The following ASMTL variants were observed in gnomAD, a reference collection of about 807,000 sequenced individuals.
The protein encoded by ASMTL is acetylserotonin O-methyltransferase like.
ASMTL carries 57 observed loss-of-function variants against 60.3 expected under a neutral mutation model. The observed-to-expected ratio is 0.95, with a 90% CI of 0.76 to 1.18. The LOEUF (loss-of-function observed/expected upper bound fraction) is 1.18. Ranked by LOEUF, ASMTL falls within the 50% of genes most tolerant of loss-of-function variation. ASMTL has a pLI of 0.00. For synonymous variants in ASMTL, 419 were observed against 373.0 expected (o/e 1.12, Z -1.42); for missense variants, 981 against 852.6 (o/e 1.15, Z -1.88).
chrX:1,417,546 G>GAC lies in ASMTL; in HGVS notation c.1522+425_1522+426dup, dbSNP rs59114659. On this transcript the variant is annotated intron_variant, in intron 11 of 12. Transcript: ENST00000381317. ...ATGCACACACACACACATGCACACA[G>GAC]ACACACAAGCACGACAGTCATATGC... 2.6e-3 allele frequency among the ~76,000 whole-genome samples: 362 copies of GAC among 137,184 alleles called. 1 individual carries two copies. Among genetic ancestry groups the GAC allele is most frequent in the African/African-American group, 8.5e-3 (320 of 37,844 alleles). The allele number at this position is 137,184 out of a possible 152,430, so 90.0% of individuals were successfully genotyped here. A position where few individuals can be genotyped will look rare whatever the true frequency, so the allele number is the denominator to read the frequency against.
chrX:1,444,260 G>A (rs2091186226), intron 1 of ASMTL, among the ~76,000 whole-genome samples: 1 of 150,824 alleles, frequency 6.6e-6, no homozygotes, highest in Non-Finnish European at 1.5e-5. Context: ...CAGGCTGGAG[G>A]GGCAGTGATG....
At chrX:1,443,884 G>A (rs2091176434) in intron 1 of ASMTL, among the ~76,000 whole-genome samples, 1 of 151,950 alleles carries the variant, frequency 6.6e-6, no homozygotes, top group East Asian at 1.9e-4. Flanking sequence ...CGCCGTCGTG[G>A]ACAGACACCC....
intron 6 of ASMTL, among the ~76,000 whole-genome samples, chrX:1,431,155 TA>T (rs1458835275): frequency 2.4e-5 from 3 of 125,282 alleles, no homozygotes; most frequent in Non-Finnish European, 1.5e-5. Flanking sequence ...TAATTATATA[TA>T]ATTTATATTT....
intron 2 of ASMTL, among the ~76,000 whole-genome samples, chrX:1,440,085 C>A: frequency 6.7e-6 from 1 of 149,736 alleles, no homozygotes; most frequent in East Asian, 2.0e-4. Context: ...GTATTTCTTT[C>A]TTTCTTTTTT....
At chrX:1,435,628 GC>G (rs2090942482) in intron 4 of ASMTL, 65 bp downstream of exon 4, 1 of 1,521,350 alleles carries the variant, frequency 6.6e-7, no homozygotes, top group African/African-American at 1.4e-5. Flanking sequence ...AGGACACCCG[GC>G]CAGATACCAC....
At chrX:1,414,576 C>T (rs1375699865) in intron 11 of ASMTL, among the ~76,000 whole-genome samples, 2 of 152,008 alleles carry the variant, frequency 1.3e-5, no homozygotes, top group African/African-American at 2.4e-5. Flanking sequence ...GGCGTGGTGG[C>T]GGGCACTTGT....
intron 2 of ASMTL, 59 bp from the exon 3 acceptor site, chrX:1,439,203 T>C: frequency 1.3e-6 from 2 of 1,586,412 alleles, no homozygotes; most frequent in Non-Finnish European, 1.7e-6. Context: ...ACAGAGAAGT[T>C]TTCCCGTCGG....
rs780819298 is a variant in ASMTL, at chrX:1,435,685, G to T, written c.338+9C>A. 1 of 1,613,390 alleles carries T rather than the reference G, an allele frequency of 6.2e-7. No homozygotes were observed. Among genetic ancestry groups the T allele is most frequent in the Non-Finnish European group, 8.5e-7 (1 of 1,179,802 alleles). ...CCCGAGAGGGCTCAGAGGCCAACAT[G>T]GTGCTTACCGGGACAGCATCCTGTA... On this transcript the variant is annotated intron_variant, in intron 4 of 12. Transcript: ENST00000381317.
intron 6 of ASMTL, among the ~76,000 whole-genome samples, chrX:1,431,634 T>C (rs1170079994): frequency 7.1e-6 from 1 of 141,804 alleles, no homozygotes; most frequent in Non-Finnish European, 1.5e-5. Context: ...ATATTATAAA[T>C]ATATATTATA....
chrX:1,432,997 C>A (rs2090848458), intron 5 of ASMTL, among the ~76,000 whole-genome samples: 2 of 152,224 alleles, frequency 1.3e-5, no homozygotes, highest in Non-Finnish European at 2.9e-5. Context: ...ACTCGGGAGG[C>A]TGAGGCAGGA....
intron 6 of ASMTL, among the ~76,000 whole-genome samples, chrX:1,429,224 T>A (rs1442890765): frequency 1.3e-5 from 2 of 151,744 alleles, no homozygotes; most frequent in Non-Finnish European, 2.9e-5. Context: ...TTATCTATTT[T>A]TTTTTTTCAA....
intron 4 of ASMTL, 125 bp from the exon 5 acceptor site, chrX:1,435,208 T>G: frequency 2.0e-6 from 2 of 980,484 alleles, no homozygotes; most frequent in Non-Finnish European, 3.2e-6. Context: ...CAGCATCTTC[T>G]CCCCGATCGT....
At position 1,412,831 on chromosome X, in the gene ASMTL, G is replaced by A. The variant is rs1158239688; in HGVS notation, c.1546C>T (p.Pro516Ser). 6.2e-7 allele frequency: 1 copy of A among 1,613,974 alleles called. No homozygotes were observed. The highest frequency in any genetic ancestry group is 1.7e-5 in the Admixed American group (1 of 60,010). Reference protein sequence around the residue: ...AAGDFFRDPLPSAELYVLCRI... With the variant: ...AAGDFFRDPLSSAELYVLCRI... ...CACAGGACGTACAGCTCAGCGCTGG[G>A]GAGGGGGTCCCTGAAAAAGTCACCT... Residue 516 changes from proline (P) to serine (S), a missense_variant, in exon 12 of 13, where the codon CCC becomes TCC. Physicochemically the swap from Pro to Ser is moderately conservative, Grantham distance 74 (BLOSUM62 -1). Coordinates refer to ENST00000381317, the MANE Select transcript of ASMTL (RefSeq NM_004192.4).
chrX:1,440,869 G>A (rs2149340764), intron 2 of ASMTL, among the ~76,000 whole-genome samples: 1 of 152,210 alleles, frequency 6.6e-6, no homozygotes, highest in Non-Finnish European at 1.5e-5. Context: ...ATATTACATA[G>A]TATCACACAG....
rs745929353 is a variant in ASMTL, at chrX:1,419,026, G to A, written c.1334C>T (p.Thr445Met). 325 of 1,611,586 alleles carry A rather than the reference G, an allele frequency of 2.0e-4. No individual in the cohort carries two copies. Among genetic ancestry groups the A allele is most frequent in the Non-Finnish European group, 2.6e-4 (309 of 1,179,764 alleles). ...GGAGAAGCGGGACAGATTGAAGGCC[G>A]TGGCCACCTGGCACGCAGTCAGCTT... ...MTKLTACQVA[T>M]AFNLSRFSSA... is the part of the protein sequence containing the mutation. The change falls in exon 10 of 13, where the codon ACG becomes ATG. Residue 445 changes from threonine to methionine, a missense_variant. Transcript: ENST00000381317.
At chrX:1,420,325 CTG>C (rs2149300056) in intron 9 of ASMTL, among the ~76,000 whole-genome samples, 1 of 152,160 alleles carries the variant, frequency 6.6e-6, no homozygotes, top group Non-Finnish European at 1.5e-5. Context: ...CTGTCTCTGT[CTG>C]CCTCCATCTC....
rs185964138 is a variant in ASMTL, at chrX:1,426,059, G to A, written c.898-372C>T. 2.5e-3 allele frequency among the ~76,000 whole-genome samples: 382 copies of A among 152,208 alleles called. 1 individual carries two copies. Among genetic ancestry groups the A allele is most frequent in the African/African-American group, 8.9e-3 (371 of 41,524 alleles). On this transcript the variant is annotated intron_variant, in intron 7 of 12. Transcript: ENST00000381317. Reference sequence around the variant, plus strand: ...ATTCAGGTAAAATGAGGTCATTTGGGTGGACCCTAATCCAATAGGACTGGG... The same window carrying A: ...ATTCAGGTAAAATGAGGTCATTTGGATGGACCCTAATCCAATAGGACTGGG...
At chrX:1,416,030 CAGAT>C (rs2090236068) in intron 11 of ASMTL, among the ~76,000 whole-genome samples, 1 of 115,448 alleles carries the variant, frequency 8.7e-6, no homozygotes, top group Non-Finnish European at 1.8e-5. Flanking sequence ...CACACGGACA[CAGAT>C]ACAGTGACAG....
intron 5 of ASMTL, among the ~76,000 whole-genome samples, chrX:1,433,699 G>C (rs2090880176): frequency 1.3e-5 from 2 of 151,656 alleles, no homozygotes; most frequent in Admixed American, 1.3e-4. Context: ...AAAAAAAAGA[G>C]ACCCAGAAGG....
Sources: gnomAD v4.1 joint callset for allele counts (sites outside exome capture counted in the v4.1 genomes callset) on GRCh38, gnomAD v4.1.1 for gene constraint, MANE v1.5 for transcripts, NCBI Gene and HGNC (gene_info 2026-07-23, HGNC 2026-07-21) for gene names.